ZC2HC1A: variants seen among roughly 807,000 people sequenced by gnomAD.
ZC2HC1A encodes the protein zinc finger C2HC domain-containing protein 1A.
In ZC2HC1A, 28 loss-of-function variants were observed where a neutral mutation model predicts 40.7. The ratio of observed to expected loss-of-function variants is 0.69; its 90% CI spans 0.51 to 0.94. The LOEUF is 0.94. ZC2HC1A is among the 40% of genes least tolerant of loss of function. The pLI is 0.00. For missense variants in ZC2HC1A, 389 were observed against 386.3 expected, an observed-to-expected ratio of 1.01 and a Z score of -0.06; for synonymous variants, 129 against 129.2, an observed-to-expected ratio of 1.00 and a Z score of 0.01.
intron 3 of ZC2HC1A, among the ~76,000 whole-genome samples, chr8:78,682,881 A>G (rs1030916805): frequency 6.6e-6 from 1 of 152,210 alleles, no homozygotes; most frequent in Non-Finnish European, 1.5e-5. Flanking sequence ...AAATACACCC[A>G]TTCTAAATTG....
Position 78,686,523 on chromosome 8 carries a change from T to C in ZC2HC1A, c.267T>C (p.Ala89=), listed in dbSNP as rs1176799728. 1.3e-6 allele frequency: 2 copies of C among 1,552,320 alleles called. No individual in the cohort carries two copies. The highest frequency in any genetic ancestry group is 1.7e-6 in the Non-Finnish European group (2 of 1,148,504). Residue 89 remains alanine, a synonymous_variant, in exon 4 of 9, where the codon GCT becomes GCC. Coordinates refer to ENST00000263849, the MANE Select transcript of ZC2HC1A (RefSeq NM_016010.3). ...GAAGGAAACATGAAGAATTCATTGC[T>C]ACCATAAGAGCAGCTAAAGGCCTTG... ...NWRRKHEEFI[A]TIRAAKGLDQ... is the part of the protein sequence containing the mutation.
intron 5 of ZC2HC1A, among the ~76,000 whole-genome samples, chr8:78,689,652 T>C (rs6990105): frequency 0.78 from 118,695 of 151,682 alleles, 46,804 homozygotes; most frequent in East Asian, 0.91. Context: ...TATAAAAACA[T>C]TATATATATG....
At chr8:78,690,114 T>C (rs987218539) in intron 5 of ZC2HC1A, among the ~76,000 whole-genome samples, 4 of 152,210 alleles carry the variant, frequency 2.6e-5, no homozygotes, top group African/African-American at 9.6e-5. Flanking sequence ...TGAATATAAA[T>C]GTATGGGTTT....
chr8:78,686,731 A>C, intron 4 of ZC2HC1A, 123 bp downstream of exon 4: 5 of 1,083,376 alleles, frequency 4.6e-6, no homozygotes, highest in Non-Finnish European at 6.0e-6. Flanking sequence ...TAATCTTTAA[A>C]ATTTGGTGTA....
chr8:78,666,108 C>T lies in ZC2HC1A; in HGVS notation c.-41C>T. On this transcript the variant is annotated 5_prime_UTR_variant, in exon 1 of 9. Coordinates refer to ENST00000263849, the MANE Select transcript of ZC2HC1A (RefSeq NM_016010.3). ...ACAGCCAGAGCTGGGCGGTGGCGGGCGCTGCTGAAGGAGTCTCGCTGAGCT... is the reference window on the plus strand; with the variant it reads ...ACAGCCAGAGCTGGGCGGTGGCGGGTGCTGCTGAAGGAGTCTCGCTGAGCT... 3 of 1,558,080 alleles carry T rather than the reference C, an allele frequency of 1.9e-6. No individual in the cohort carries two copies. Among genetic ancestry groups the T allele is most frequent in the Non-Finnish European group, 2.6e-6 (3 of 1,150,970 alleles).
chr8:78,672,794 T>A (rs11779153), intron 1 of ZC2HC1A, among the ~76,000 whole-genome samples: 8,728 of 152,188 alleles, frequency 0.057, 303 homozygotes, highest in Middle Eastern at 0.082. Flanking sequence ...TTACTTCAAA[T>A]TACAGTAAGA....
intron 3 of ZC2HC1A, among the ~76,000 whole-genome samples, chr8:78,685,422 G>A (rs1231195028): frequency 6.6e-6 from 1 of 152,154 alleles, no homozygotes; most frequent in African/African-American, 2.4e-5. Flanking sequence ...GGCTAATGCA[G>A]ATCCAGAGGC....
chr8:78,680,295 A>C lies in ZC2HC1A; in HGVS notation c.210+1616A>C, dbSNP rs1343745648. ...GAGCGAGACTCCGTCTCAAAAAAAA[A>C]AAAAAAAAAAAAAAAAAAAAGCAAA... On this transcript the variant is annotated intron_variant, in intron 3 of 8. Transcript: ENST00000263849. 2.2e-4 allele frequency among the ~76,000 whole-genome samples: 5 copies of C among 22,494 alleles called. No individual in the cohort carries two copies. The Admixed American group carries it at 3.4e-3, about 15-fold the overall frequency. The allele number at this position is 22,494 out of a possible 152,430, so 14.8% of individuals were successfully genotyped here.
chr8:78,714,402 T>C (rs958354054), intron 7 of ZC2HC1A, among the ~76,000 whole-genome samples: 7 of 152,192 alleles, frequency 4.6e-5, no homozygotes, highest in African/African-American at 7.2e-5. Context: ...ACAACAGTAG[T>C]AATAGTATTA....
chr8:78,686,403 A>T, intron 3 of ZC2HC1A, 64 bp from the exon 4 acceptor site: 1 of 1,206,900 alleles, frequency 8.3e-7, no homozygotes, highest in Non-Finnish European at 1.1e-6. Flanking sequence ...CTGATGTTTT[A>T]TTTCAATATA....
chr8:78,701,165 C>A (rs140780191), intron 7 of ZC2HC1A, among the ~76,000 whole-genome samples: 1 of 152,130 alleles, frequency 6.6e-6, no homozygotes, highest in Non-Finnish European at 1.5e-5. Context: ...TCTTTAATTT[C>A]TTTGAGCATT....
intron 2 of ZC2HC1A, among the ~76,000 whole-genome samples, chr8:78,677,317 C>T (rs1417395144): frequency 6.6e-6 from 1 of 151,392 alleles, no homozygotes; most frequent in Non-Finnish European, 1.5e-5. Flanking sequence ...TGTCCCTAAA[C>T]TGAATAACTG....
intron 1 of ZC2HC1A, among the ~76,000 whole-genome samples, chr8:78,670,263 G>A (rs974170978): frequency 2.0e-5 from 3 of 152,006 alleles, no homozygotes; most frequent in African/African-American, 7.2e-5. Context: ...CAACGCACTC[G>A]GCGGAATGGA....
At chr8:78,717,195 A>G in intron 8 of ZC2HC1A, 133 bp from the exon 9 acceptor site, 4 of 772,014 alleles carry the variant, frequency 5.2e-6, no homozygotes, top group Non-Finnish European at 5.8e-6. Context: ...ATTTTTTAAA[A>G]TTTGAACTAG....
intron 7 of ZC2HC1A, among the ~76,000 whole-genome samples, chr8:78,701,315 A>G (rs1302231078): frequency 6.6e-6 from 1 of 152,132 alleles, no homozygotes; most frequent in Non-Finnish European, 1.5e-5. Context: ...GTGTATAGGA[A>G]TGCTAGTGAT....
At position 78,718,546 on chromosome 8, in the gene ZC2HC1A, A is replaced by C. The variant is rs1811174508; in HGVS notation, c.*1053A>C. The C allele has an allele frequency of 6.6e-6, 1 of 151,926 alleles. No homozygotes were observed. Among genetic ancestry groups the C allele is most frequent in the Admixed American group, 6.6e-5 (1 of 15,260 alleles). 9.4% of individuals were successfully genotyped at this position (151,926 alleles called of 1,614,324 possible). On this transcript the variant is annotated 3_prime_UTR_variant, in exon 9 of 9. Coordinates refer to ENST00000263849, the MANE Select transcript of ZC2HC1A (RefSeq NM_016010.3). ...ATGTAGTTATGAGTAGGTTAAGAGAATATCTAATTTTCCTACTCTTTTTTT... is the reference window on the plus strand; with the variant it reads ...ATGTAGTTATGAGTAGGTTAAGAGACTATCTAATTTTCCTACTCTTTTTTT...
chr8:78,697,823 C>T (rs926771862), intron 6 of ZC2HC1A, among the ~76,000 whole-genome samples: 4 of 151,646 alleles, frequency 2.6e-5, no homozygotes, highest in Non-Finnish European at 4.4e-5. Context: ...GGACTATAGG[C>T]GGGTGCCACC....
chr8:78,704,632 A>C (rs1810714873), intron 7 of ZC2HC1A, among the ~76,000 whole-genome samples: 1 of 152,104 alleles, frequency 6.6e-6, no homozygotes, highest in South Asian at 2.1e-4. Context: ...CCTGAATTTG[A>C]ATGTTGGCCC....
chr8:78,717,671 T>C lies in ZC2HC1A; in HGVS notation c.*178T>C. ...GTGTGTATGTTTATATGTGTACATA[T>C]ACTGTATATAATAAATATCTGATAC... On this transcript the variant is annotated 3_prime_UTR_variant, in exon 9 of 9. Transcript: ENST00000263849. 1 of 475,248 alleles carries C rather than the reference T, an allele frequency of 2.1e-6. No homozygotes were observed. Among genetic ancestry groups the C allele is most frequent in the Non-Finnish European group, 3.5e-6 (1 of 283,090 alleles). 29.4% of individuals were successfully genotyped at this position (475,248 alleles called of 1,614,324 possible).
Sources: allele counts gnomAD v4.1 joint callset (sites outside exome capture counted in the v4.1 genomes callset), GRCh38; gene constraint gnomAD v4.1.1; transcripts MANE v1.5; gene names NCBI Gene and HGNC (gene_info 2026-07-23, HGNC 2026-07-21).